The following LRRC63 variants were observed in gnomAD, a reference collection of about 807,000 sequenced individuals.
LRRC63 encodes leucine-rich repeat-containing protein 63.
LRRC63 carries 40 observed loss-of-function variants against 49.5 expected under a neutral mutation model. That is an observed-to-expected ratio of 0.81 (90% CI 0.63 to 1.05). The LOEUF is 1.05. Among genes scored for constraint, LRRC63 ranks in the 50% least tolerant of loss-of-function variants. LRRC63 has a pLI of 0.00. For missense variants in LRRC63, 636 were observed against 663.1 expected (o/e 0.96, Z 0.45); for synonymous variants, 191 against 221.1 (o/e 0.86, Z 1.21).
chr13:46,217,306 AG>A (rs1430175598), intron 2 of LRRC63, among the ~76,000 whole-genome samples: 1 of 152,204 alleles, frequency 6.6e-6, no homozygotes, highest in Non-Finnish European at 1.5e-5. Context: ...TGGTCTGTTC[AG>A]GGACTCGACT....
At chr13:46,220,684 T>C (rs1392253262) in intron 2 of LRRC63, among the ~76,000 whole-genome samples, 1 of 150,774 alleles carries the variant, frequency 6.6e-6, no homozygotes, top group Non-Finnish European at 1.5e-5. Flanking sequence ...GCTAGCTCGA[T>C]GTCTGCCCCC....
intron 4 of LRRC63, among the ~76,000 whole-genome samples, chr13:46,231,366 A>G (rs771899508): frequency 6.6e-6 from 1 of 152,208 alleles, no homozygotes; most frequent in African/African-American, 2.4e-5. Context: ...AGGCTATACA[A>G]GCGTAGTTAT....
chr13:46,262,685 A>G (rs2047632095), intron 8 of LRRC63, among the ~76,000 whole-genome samples: 1 of 152,098 alleles, frequency 6.6e-6, no homozygotes, highest in Non-Finnish European at 1.5e-5. Flanking sequence ...TGTTCTTCAT[A>G]GGAATTTATG....
intron 2 of LRRC63, among the ~76,000 whole-genome samples, chr13:46,218,414 G>A (rs574721355): frequency 7.8e-6 from 1 of 127,842 alleles, no homozygotes; most frequent in Admixed American, 8.5e-5. Flanking sequence ...GACTGGGATT[G>A]CAACCCCTGC....
chr13:46,249,614 A>T (rs1267101274), intron 6 of LRRC63, among the ~76,000 whole-genome samples: 2 of 151,892 alleles, frequency 1.3e-5, no homozygotes. Context: ...ATAGAAATGC[A>T]AAGGATTACA....
intron 2 of LRRC63, among the ~76,000 whole-genome samples, chr13:46,216,917 T>C (rs1282303024): frequency 1.3e-5 from 2 of 151,986 alleles, no homozygotes; most frequent in Non-Finnish European, 1.5e-5. Context: ...ATTGATTTGA[T>C]TTATGTATGT....
intron 2 of LRRC63, among the ~76,000 whole-genome samples, chr13:46,221,516 C>G (rs2046407046): frequency 6.6e-6 from 1 of 152,108 alleles, no homozygotes; most frequent in African/African-American, 2.4e-5. Flanking sequence ...ATCAGAAAAC[C>G]AATGGGAAAT....
chr13:46,227,661 G>T, exon 3 of LRRC63: 1 of 1,550,286 alleles, frequency 6.5e-7, no homozygotes, highest in South Asian at 1.2e-5. Flanking sequence ...TGATCACTGT[G>T]TACAAGAAAG....
intron 4 of LRRC63, among the ~76,000 whole-genome samples, chr13:46,229,725 G>C (rs965179435): frequency 1.3e-5 from 2 of 152,092 alleles, no homozygotes; most frequent in African/African-American, 4.8e-5. Flanking sequence ...TTCGAGGCCC[G>C]CCTGGAACAT....
At chr13:46,250,620 T>TGAAAGA in intron 7 of LRRC63, 129 bp downstream of exon 7, 1 of 723,732 alleles carries the variant, frequency 1.4e-6, no homozygotes, top group Non-Finnish European at 2.2e-6. Flanking sequence ...TCTAATTAGC[T>TGAAAGA]AATACGCTTC....
chr13:46,253,359 A>G (rs1349871569), intron 7 of LRRC63, among the ~76,000 whole-genome samples: 1 of 152,070 alleles, frequency 6.6e-6, no homozygotes, highest in East Asian at 1.9e-4. Flanking sequence ...AAGGGGCATG[A>G]TCTTTTCCCT....
At chr13:46,247,247 T>C (rs1418498680) in intron 6 of LRRC63, among the ~76,000 whole-genome samples, 1 of 152,156 alleles carries the variant, frequency 6.6e-6, no homozygotes, top group African/African-American at 2.4e-5. Context: ...TCAGATGGTA[T>C]TGAAAACATA....
chr13:46,223,249 G>A (rs1010011756), intron 2 of LRRC63, among the ~76,000 whole-genome samples: 1 of 151,870 alleles, frequency 6.6e-6, no homozygotes, highest in African/African-American at 2.4e-5. Flanking sequence ...AATATAAAAA[G>A]GGTGTCCTTT....
At chr13:46,228,018 G>A in exon 3 of LRRC63, 1 of 1,551,074 alleles carries the variant, frequency 6.4e-7, no homozygotes, top group Non-Finnish European at 8.7e-7. Context: ...AGACTTAAGT[G>A]CAACAGTGCC....
chr13:46,275,656 A>ATT (rs34767583), intron 9 of LRRC63, among the ~76,000 whole-genome samples: 5,097 of 149,032 alleles, frequency 0.034, 201 homozygotes, highest in African/African-American at 0.093. Flanking sequence ...TTAAAATCAG[A>ATT]TTTTTTTTTT....
chr13:46,216,772 T>C (rs1175174742), intron 2 of LRRC63, among the ~76,000 whole-genome samples: 1 of 152,230 alleles, frequency 6.6e-6, no homozygotes, highest in Non-Finnish European at 1.5e-5. Context: ...TTTTGAGATA[T>C]GTTCCATCAA....
At chr13:46,272,183 A>C (rs1038071388) in intron 9 of LRRC63, among the ~76,000 whole-genome samples, 1 of 152,164 alleles carries the variant, frequency 6.6e-6, no homozygotes, top group African/African-American at 2.4e-5. Flanking sequence ...AAAACTTACA[A>C]ATTGCTTATT....
intron 6 of LRRC63, among the ~76,000 whole-genome samples, chr13:46,247,084 T>G (rs1210897126): frequency 1.3e-5 from 2 of 152,176 alleles, no homozygotes; most frequent in Non-Finnish European, 2.9e-5. Context: ...TTCAAGTGAA[T>G]GAACCATTAT....
Position 46,234,180 on chromosome 13 carries a change from T to C in LRRC63, c.833-12T>C, listed in dbSNP as rs769305400. The C allele has an allele frequency of 2.6e-6, 4 of 1,542,668 alleles. No homozygotes were observed. The highest frequency in any genetic ancestry group is 3.5e-6 in the Non-Finnish European group (4 of 1,142,172). On this transcript the variant is annotated splice_polypyrimidine_tract_variant and intron_variant, in intron 4 of 9. Transcript: ENST00000595396. ...TTTAAATTTTATGTTTTGTTTTGTT[T>C]TGTTTATTTAGGTCTCACCAAAACT...
Sources: gnomAD v4.1 joint callset for allele counts (sites outside exome capture counted in the v4.1 genomes callset) on GRCh38, gnomAD v4.1.1 for gene constraint, MANE v1.5 for transcripts, NCBI Gene and HGNC (gene_info 2026-07-23, HGNC 2026-07-21) for gene names.